Variants in CLASRP observed in about 807,000 individuals in gnomAD.
CLASRP encodes the protein CLK4 associating serine/arginine rich protein, also known as CLK4-associating serine/arginine rich protein.
In CLASRP, 52 loss-of-function variants were observed where a neutral mutation model predicts 99.9. The ratio of observed to expected loss-of-function variants is 0.52; its 90% confidence interval spans 0.42 to 0.66. CLASRP has a LOEUF of 0.66. Ranked by LOEUF, CLASRP falls within the 30% of genes least tolerant of loss-of-function variation. CLASRP has a pLI of 0.00. For synonymous variants in CLASRP, 379 were observed against 373.0 expected, an observed-to-expected ratio of 1.02 and a Z score of -0.18; for missense variants, 848 against 999.2, an observed-to-expected ratio of 0.85 and a Z score of 2.04.
chr19:45,053,196 G>A lies in CLASRP; in HGVS notation c.379+19G>A, dbSNP rs1555730643. The A allele has an allele frequency of 1.9e-6, 3 of 1,613,174 alleles. No individual in the cohort carries two copies. The highest frequency in any genetic ancestry group is 2.2e-5 in the South Asian group (2 of 91,072). On this transcript the variant is annotated intron_variant, in intron 5 of 20. Coordinates refer to ENST00000221455, the MANE Select transcript of CLASRP (RefSeq NM_007056.3). ...GCCGGCAGTGAGTGATCTGTGGGGG[G>A]ACGTGGGGTGTGGGGTTTGAGCCTG... is the stretch of plus-strand genomic sequence containing the variant.
At chr19:45,046,330 C>T (rs939479651) in intron 2 of CLASRP, among the ~76,000 whole-genome samples, 3 of 152,186 alleles carry the variant, frequency 2.0e-5, no homozygotes, top group African/African-American at 4.8e-5. Context: ...AAGCAGACTC[C>T]GGTTCTGTCA....
chr19:45,057,090 C>G (rs937177180), intron 6 of CLASRP, among the ~76,000 whole-genome samples: 4 of 152,176 alleles, frequency 2.6e-5, no homozygotes, highest in African/African-American at 9.7e-5. Context: ...TCTCACTTCT[C>G]TCTTCTCCAC....
intron 7 of CLASRP, among the ~76,000 whole-genome samples, chr19:45,058,934 CTCCAT>C (rs1258662415): frequency 6.6e-6 from 1 of 152,012 alleles, no homozygotes; most frequent in Non-Finnish European, 1.5e-5. Flanking sequence ...CCTTCCTTGC[CTCCAT>C]TCCATTCATC....
At chr19:45,056,877 T>TA (rs1972128699) in intron 6 of CLASRP, among the ~76,000 whole-genome samples, 1 of 152,164 alleles carries the variant, frequency 6.6e-6, no homozygotes, top group African/African-American at 2.4e-5. Flanking sequence ...CAGGAGGCCC[T>TA]ACTGCCTGGA....
chr19:45,067,415 C>G lies in CLASRP; in HGVS notation c.1488C>G (p.Ser496Arg), dbSNP rs1437388225. 1 of 1,533,830 alleles carries G rather than the reference C, an allele frequency of 6.5e-7. No homozygotes were observed. Among genetic ancestry groups the G allele is most frequent in the African/African-American group, 1.4e-5 (1 of 72,882 alleles). ...ACCACAGCAGTAGCCGCAGCCGCAG[C>G]AGCTGGTCCCTCAGCCCGTCCCGCA... ...LRHHSSSRSR[S>R]SWSLSPSRSR... The change falls in exon 14 of 21, where the codon AGC (serine) becomes AGG (arginine). Residue 496 changes from serine to arginine, a missense_variant. Coordinates refer to ENST00000221455, the MANE Select transcript of CLASRP (RefSeq NM_007056.3). The surrounding 1 kb of genome is among the most constrained non-coding windows in gnomAD (Gnocchi z 4.9).
Position 45,070,046 on chromosome 19 carries a change from G to A in CLASRP, c.1899G>A (p.Glu633=), listed in dbSNP as rs763060647. ...GGGAGCGGGAACGCCGAGAGAAGGA[G>A]AGAGAAGAGTGGGAACGCCAGTACA... The part of the protein sequence containing the change: ...RMKERERREK[E]REEWERQYSR... Residue 633 remains glutamate (E), a synonymous_variant, in exon 19 of 21, where the codon GAG becomes GAA. Transcript: ENST00000221455. The A allele has an allele frequency of 2.2e-5, 35 of 1,608,476 alleles. No homozygotes were observed. In the South Asian group the frequency reaches 3.6e-4, roughly 17 times the overall value.
At position 45,067,520 on chromosome 19, in the gene CLASRP, C is replaced by G; in HGVS notation, c.1593C>G (p.Ser531Arg). Residue 531 changes from serine (S) to arginine (R), a missense_variant, in exon 14 of 21, where the codon AGC (serine) becomes AGG (arginine). Ser to Arg is a moderately radical substitution (Grantham distance 110). Coordinates refer to ENST00000221455, the MANE Select transcript of CLASRP (RefSeq NM_007056.3). This position sits in a 1 kb window ranked among gnomAD's most constrained non-coding sequence, Gnocchi z 4.9. Reference sequence around the variant, plus strand: ...GCCGCAGCCGCAGCCGCAGCCAGAGCCCCTCGCCATCACCCGCAAGAGAGA... The same window carrying G: ...GCCGCAGCCGCAGCCGCAGCCAGAGGCCCTCGCCATCACCCGCAAGAGAGA... ...SRSRSRSRSQ[S>R]PSPSPAREKL... is the part of the protein sequence containing the mutation. 5 of 1,599,314 alleles carry G rather than the reference C, an allele frequency of 3.1e-6. No homozygotes were observed. Among genetic ancestry groups the G allele is most frequent in the Non-Finnish European group, 4.2e-6 (5 of 1,176,706 alleles).
At position 45,064,222 on chromosome 19, in the gene CLASRP, C is replaced by T. The variant is rs575589429; in HGVS notation, c.1116C>T (p.Ser372=). 8.2e-6 allele frequency: 13 copies of T among 1,590,424 alleles called. No homozygotes were observed. The East Asian group carries it at 2.3e-4, about 28-fold the overall frequency. Residue 372 remains serine, a synonymous_variant, in exon 12 of 21, where the codon AGC becomes AGT. Transcript: ENST00000221455. ...GCCCCGCCCCGGGACGTAATGCCAG[C>T]GCCCGGTCGGTAACGCTCACGCCGC... ...PGGPAPGRNA[S]ARRRSSSSSS...
chr19:45,044,853 G>C (rs1971885784), intron 2 of CLASRP, among the ~76,000 whole-genome samples: 1 of 152,148 alleles, frequency 6.6e-6, no homozygotes, highest in Non-Finnish European at 1.5e-5. Flanking sequence ...GAGTCATGGG[G>C]CTCTGGGTTC....
chr19:45,067,204 TAGC>T lies in CLASRP; in HGVS notation c.1410-130_1410-128del, dbSNP rs781161760. 1.7e-5 allele frequency: 18 copies of T among 1,036,144 alleles called. No homozygotes were observed. The highest frequency in any genetic ancestry group is 2.4e-5 in the Non-Finnish European group (18 of 742,958). The allele number at this position is 1,036,144 out of a possible 1,614,324, so 64.2% of individuals were successfully genotyped here. A position where few individuals can be genotyped will look rare whatever the true frequency, so the allele number is the denominator to read the frequency against. ...GCTCTGGGACATTTTGGAGGGAGAG[TAGC>T]AGGAGAGGAGAGTCGAGCCTGTCAC... On this transcript the variant is annotated intron_variant, in intron 13 of 20. Transcript: ENST00000221455. The surrounding 1 kb of genome is among the most constrained non-coding windows in gnomAD (Gnocchi z 4.9).
intron 16 of CLASRP, among the ~76,000 whole-genome samples, chr19:45,068,809 G>A (rs543616530): frequency 3.3e-5 from 5 of 152,156 alleles, no homozygotes; most frequent in African/African-American, 9.6e-5. Flanking sequence ...CCATTAACAC[G>A]GTGAAACCCC....
chr19:45,041,093 T>C (rs1968449), intron 2 of CLASRP, among the ~76,000 whole-genome samples: 83,517 of 151,484 alleles, frequency 0.55, 23,261 homozygotes, highest in African/African-American at 0.6. Context: ...AGGTGGCGGG[T>C]GCCTGTAGTC....
At chr19:45,070,721 C>T in intron 20 of CLASRP, 82 bp from the exon 21 acceptor site, 1 of 1,349,152 alleles carries the variant, frequency 7.4e-7, no homozygotes, top group South Asian at 1.2e-5. Context: ...GACAAGTGCC[C>T]CGATCACTGA....
chr19:45,048,643 G>A (rs1568412647), intron 2 of CLASRP, among the ~76,000 whole-genome samples: 1 of 151,778 alleles, frequency 6.6e-6, no homozygotes, highest in Non-Finnish European at 1.5e-5. Context: ...ATGTCAGGCA[G>A]GTGGACCCCA....
intron 8 of CLASRP, among the ~76,000 whole-genome samples, chr19:45,059,614 G>A (rs1416056833): frequency 6.6e-6 from 1 of 152,158 alleles, no homozygotes; most frequent in Non-Finnish European, 1.5e-5. Context: ...CTGACTCTTC[G>A]AAGCTCTGGG....
In CLASRP at chr19:45,067,899, C is replaced by T; in HGVS notation, c.1668-116C>T. ...AGAGGGACATGGTTGCACCCTGGGG[C>T]ATCTGAGGCCCATGCCTTGGCTACC... On this transcript the variant is annotated intron_variant, in intron 14 of 20. Transcript: ENST00000221455. This position sits in a 1 kb window ranked among gnomAD's most constrained non-coding sequence, Gnocchi z 4.9. 2 of 801,506 alleles carry T rather than the reference C, an allele frequency of 2.5e-6. No homozygotes were observed. The highest frequency in any genetic ancestry group is 1.4e-5 in the South Asian group (1 of 70,476). 49.6% of individuals were successfully genotyped at this position (801,506 alleles called of 1,614,324 possible). A position where few individuals can be genotyped will look rare whatever the true frequency, so the allele number is the denominator to read the frequency against.
chr19:45,043,609 C>T (rs1049678794), intron 2 of CLASRP, among the ~76,000 whole-genome samples: 1 of 152,026 alleles, frequency 6.6e-6, no homozygotes, highest in Non-Finnish European at 1.5e-5. Context: ...TTCGCAGGCA[C>T]CCCCAGGCCA....
chr19:45,057,180 G>A (rs915510002), intron 6 of CLASRP, among the ~76,000 whole-genome samples: 1 of 152,186 alleles, frequency 6.6e-6, no homozygotes, highest in Non-Finnish European at 1.5e-5. Flanking sequence ...CAGGCCAGCT[G>A]CTGTTGCCCT....
At position 45,064,126 on chromosome 19, in the gene CLASRP, C is replaced by CGCAGCCGCTGCTGCCGCAGCA. The variant is rs1967009816; in HGVS notation, c.1024_1044dup (p.Ala342_Ala348dup). On this transcript the variant is annotated inframe_insertion, in exon 12 of 21. Transcript: ENST00000221455. ...TTGGGGGCAGCGATGAGGAGGCAGC[C>CGCAGCCGCTGCTGCCGCAGCA]GCAGCCGCTGCTGCCGCAGCAGCAT... is the stretch of plus-strand genomic sequence containing the variant. The CGCAGCCGCTGCTGCCGCAGCA allele has an allele frequency of 6.2e-7, 1 of 1,610,164 alleles. No individual in the cohort carries two copies. The highest frequency in any genetic ancestry group is 8.5e-7 in the Non-Finnish European group (1 of 1,179,198).
Sources: allele counts gnomAD v4.1 joint callset (sites outside exome capture counted in the v4.1 genomes callset), GRCh38; gene constraint gnomAD v4.1.1; non-coding constraint Gnocchi (gnomAD v3.1); transcripts MANE v1.5; gene names NCBI Gene and HGNC (gene_info 2026-07-23, HGNC 2026-07-21).